FOXP2: variants seen among roughly 807,000 people sequenced by gnomAD.
FOXP2 encodes forkhead box P2.
FOXP2 carries 12 observed loss-of-function variants against 115.8 expected under a neutral mutation model. That is an observed-to-expected ratio of 0.10 (90% CI 0.07 to 0.17). The LOEUF (loss-of-function observed/expected upper bound fraction) is 0.17. Ranked by LOEUF, FOXP2 falls within the 10% of genes least tolerant of loss-of-function variation. The probability of loss-of-function intolerance (pLI) is 1.00; values close to 1 mark genes in which losing one functional copy is unlikely to be tolerated. For synonymous variants in FOXP2, 328 were observed against 297.7 expected, an observed-to-expected ratio of 1.10 and a Z score of -1.05; for missense variants, 629 against 843.5, an observed-to-expected ratio of 0.75 and a Z score of 3.15.
intron 3 of FOXP2, among the ~76,000 whole-genome samples, chr7:114,584,915 T>C (rs1472281791): frequency 6.6e-6 from 1 of 152,258 alleles, no homozygotes; most frequent in African/African-American, 2.4e-5. Flanking sequence ...CACAAGTGTT[T>C]CTAGCACAAT....
At chr7:114,106,699 C>T (rs1054513515) in intron 1 of FOXP2, among the ~76,000 whole-genome samples, 6 of 151,890 alleles carry the variant, frequency 4.0e-5, no homozygotes, top group African/African-American at 1.5e-4. Flanking sequence ...AACCTGAAAC[C>T]TGAAACTTAA....
intron 2 of FOXP2, among the ~76,000 whole-genome samples, chr7:114,482,821 A>G (rs1215626279): frequency 6.6e-6 from 1 of 151,710 alleles, no homozygotes; most frequent in African/African-American, 2.4e-5. Context: ...ACTAATAGAC[A>G]AAACAATGGA....
chr7:114,657,650 A>T (rs1212129762), intron 10 of FOXP2, among the ~76,000 whole-genome samples: 2 of 152,202 alleles, frequency 1.3e-5, no homozygotes, highest in African/African-American at 4.8e-5. Context: ...AAATTCTGGC[A>T]TCAACAGAAT....
chr7:114,257,984 A>G (rs1297204802), intron 1 of FOXP2, among the ~76,000 whole-genome samples: 3 of 152,216 alleles, frequency 2.0e-5, no homozygotes, highest in Non-Finnish European at 4.4e-5. Flanking sequence ...ATTTCTAGAC[A>G]ATTATAAGCA....
At chr7:114,123,351 C>CAAAAA (rs35721597) in intron 1 of FOXP2, among the ~76,000 whole-genome samples, 1 of 78,404 alleles carries the variant, frequency 1.3e-5, no homozygotes, top group Non-Finnish European at 2.3e-5. Flanking sequence ...AAAGCCCTGT[C>CAAAAA]AAAAAAAAAA....
intron 1 of FOXP2, among the ~76,000 whole-genome samples, chr7:114,129,765 C>T (rs2129145046): frequency 6.6e-6 from 1 of 152,308 alleles, no homozygotes; most frequent in Middle Eastern, 3.4e-3. Flanking sequence ...TATATACCTT[C>T]ACTGTTCTGT....
upstream of FOXP2, among the ~76,000 whole-genome samples, chr7:114,159,987 A>T (rs535601204): frequency 6.6e-6 from 1 of 152,304 alleles, no homozygotes; most frequent in African/African-American, 2.4e-5. Flanking sequence ...GAACTCCAGC[A>T]AGGCCTGTCT....
At chr7:114,470,920 C>A (rs1041434060) in intron 2 of FOXP2, among the ~76,000 whole-genome samples, 6 of 152,088 alleles carry the variant, frequency 3.9e-5, no homozygotes, top group Non-Finnish European at 7.4e-5. Flanking sequence ...CTTTTCCATG[C>A]TGTTCTATAA....
At chr7:114,134,529 C>A (rs1404793515) in intron 1 of FOXP2, among the ~76,000 whole-genome samples, 1 of 151,622 alleles carries the variant, frequency 6.6e-6, no homozygotes. Context: ...CCGGCTAAAA[C>A]GGTGAAACCC....
intron 1 of FOXP2, among the ~76,000 whole-genome samples, chr7:114,143,408 G>T (rs146934561): frequency 3.9e-5 from 6 of 151,914 alleles, no homozygotes; most frequent in Non-Finnish European, 8.8e-5. Flanking sequence ...ATATAAATTA[G>T]CATATTAGTT....
At chr7:114,684,630 T>C (rs761823537) in intron 16 of FOXP2, among the ~76,000 whole-genome samples, 12 of 152,214 alleles carry the variant, frequency 7.9e-5, no homozygotes, top group Admixed American at 2.6e-4. Flanking sequence ...AGGAGTTTAT[T>C]CTAATTATTT....
At chr7:114,474,155 A>G (rs1003678503) in intron 2 of FOXP2, among the ~76,000 whole-genome samples, 4 of 152,218 alleles carry the variant, frequency 2.6e-5, no homozygotes, top group African/African-American at 9.6e-5. Context: ...AGCATTGTTC[A>G]TTGCATACTG....
Position 114,692,995 on chromosome 7 carries a change from A to T in FOXP2, c.*3069A>T, listed in dbSNP as rs1225678683. 3 of 453,880 alleles carry T rather than the reference A, an allele frequency of 6.6e-6. No individual in the cohort carries two copies. The highest frequency in any genetic ancestry group is 8.8e-6 in the Non-Finnish European group (2 of 226,650). 28.1% of individuals were successfully genotyped at this position (453,880 alleles called of 1,614,324 possible). A position where few individuals can be genotyped will look rare whatever the true frequency, so the allele number is the denominator to read the frequency against. Reference sequence around the variant, plus strand: ...AATAAAATAAAGGACCAAACCTAGGATTTGAAAGAAAACTGTCTACCTCTA... The same window carrying T: ...AATAAAATAAAGGACCAAACCTAGGTTTTGAAAGAAAACTGTCTACCTCTA... On this transcript the variant is annotated 3_prime_UTR_variant, in exon 17 of 17. Coordinates refer to ENST00000350908, the MANE Select transcript of FOXP2 (RefSeq NM_014491.4).
chr7:114,185,267 G>T (rs765784511), intron 1 of FOXP2, among the ~76,000 whole-genome samples: 7 of 151,898 alleles, frequency 4.6e-5, no homozygotes, highest in African/African-American at 7.3e-5. Context: ...ATTATACTTT[G>T]GGTTTCAATT....
chr7:114,238,614 A>G (rs925775768), intron 1 of FOXP2, among the ~76,000 whole-genome samples: 3 of 152,094 alleles, frequency 2.0e-5, no homozygotes, highest in Non-Finnish European at 4.4e-5. Flanking sequence ...TCTACTAAAA[A>G]TACAAAAGTT....
At chr7:114,374,975 G>C (rs1454978979) in intron 2 of FOXP2, among the ~76,000 whole-genome samples, 1 of 152,078 alleles carries the variant, frequency 6.6e-6, no homozygotes, top group Admixed American at 6.5e-5. Flanking sequence ...GGAGAAACAA[G>C]GGTGGGGGCG....
At chr7:114,151,469 A>C (rs1032893173) in intron 1 of FOXP2, among the ~76,000 whole-genome samples, 2 of 152,078 alleles carry the variant, frequency 1.3e-5, no homozygotes, top group Non-Finnish European at 2.9e-5. Flanking sequence ...TGGACACTAC[A>C]TACTGTTTCT....
At chr7:114,089,647 G>A (rs1799502066) in intron 1 of FOXP2, among the ~76,000 whole-genome samples, 1 of 151,564 alleles carries the variant, frequency 6.6e-6, no homozygotes, top group Admixed American at 6.6e-5. Context: ...TATTGCAGTG[G>A]CTTTGCTTAA....
At chr7:114,240,923 G>A (rs530153154) in intron 1 of FOXP2, among the ~76,000 whole-genome samples, 3 of 151,902 alleles carry the variant, frequency 2.0e-5, no homozygotes, top group African/African-American at 7.2e-5. Context: ...GATGCTTATA[G>A]GTTATTTTTC....
Sources: allele counts gnomAD v4.1 joint callset (sites outside exome capture counted in the v4.1 genomes callset), GRCh38; gene constraint gnomAD v4.1.1; transcripts MANE v1.5; gene names NCBI Gene and HGNC (gene_info 2026-07-23, HGNC 2026-07-21).